Variants in NEK11 observed in about 807,000 individuals in gnomAD.
NEK11 encodes the protein serine/threonine-protein kinase Nek11.
Under a neutral mutation model 80.7 loss-of-function variants are expected in NEK11, and 72 were observed. The observed-to-expected ratio is 0.89, with a 90% confidence interval of 0.74 to 1.08. The LOEUF (loss-of-function observed/expected upper bound fraction) is 1.08, where lower values mean the gene tolerates loss of function less well. NEK11 is among the 50% of genes least tolerant of loss of function. The pLI, the probability that NEK11 is intolerant of heterozygous loss-of-function variation, is 0.00. For missense variants in NEK11, 764 were observed against 763.6 expected, an observed-to-expected ratio of 1.00 and a Z score of -0.01; for synonymous variants, 251 against 260.7, an observed-to-expected ratio of 0.96 and a Z score of 0.36.
At chr3:131,181,548 C>T (rs959821656) in intron 14 of NEK11, among the ~76,000 whole-genome samples, 15 of 151,926 alleles carry the variant, frequency 9.9e-5, no homozygotes, top group African/African-American at 3.1e-4. Flanking sequence ...AGATGGAGAC[C>T]ATCCTGGCTA....
At chr3:131,264,309 T>A (rs1161214566) in intron 16 of NEK11, among the ~76,000 whole-genome samples, 1 of 152,222 alleles carries the variant, frequency 6.6e-6, no homozygotes, top group Non-Finnish European at 1.5e-5. Flanking sequence ...CTGAATGGTA[T>A]TGCCTAGGTT....
At chr3:131,137,090 A>G (rs1457646979) in intron 7 of NEK11, among the ~76,000 whole-genome samples, 1 of 152,208 alleles carries the variant, frequency 6.6e-6, no homozygotes, top group Non-Finnish European at 1.5e-5. Context: ...TAGTGGCAAC[A>G]TCTAGAGTGT....
intron 4 of NEK11, among the ~76,000 whole-genome samples, chr3:131,107,501 A>G (rs2079391934): frequency 6.6e-6 from 1 of 152,094 alleles, no homozygotes; most frequent in African/African-American, 2.4e-5. Context: ...GTATTCAGGA[A>G]GAAGATGGCA....
intron 14 of NEK11, among the ~76,000 whole-genome samples, chr3:131,181,164 A>G (rs1353281939): frequency 6.6e-6 from 1 of 152,220 alleles, no homozygotes; most frequent in Non-Finnish European, 1.5e-5. Flanking sequence ...TATTCTGATT[A>G]TTTGGATGCT....
At chr3:131,270,251 G>A (rs567399168) in intron 16 of NEK11, among the ~76,000 whole-genome samples, 5 of 152,260 alleles carry the variant, frequency 3.3e-5, no homozygotes, top group Admixed American at 3.3e-4. Context: ...AAGGATTTCT[G>A]CGTTGTCATT....
intron 15 of NEK11, among the ~76,000 whole-genome samples, chr3:131,238,242 T>C (rs956072766): frequency 6.6e-6 from 1 of 152,214 alleles, no homozygotes; most frequent in Non-Finnish European, 1.5e-5. Flanking sequence ...TTTCCTCTCC[T>C]ACTTTATTTT....
At chr3:131,163,715 CAG>C (rs968506247) in intron 11 of NEK11, among the ~76,000 whole-genome samples, 5 of 152,030 alleles carry the variant, frequency 3.3e-5, no homozygotes, top group African/African-American at 9.7e-5. Flanking sequence ...AAATTGCTAA[CAG>C]AGTAGAGCTT....
intron 16 of NEK11, among the ~76,000 whole-genome samples, chr3:131,252,078 T>G (rs570618254): frequency 6.4e-4 from 97 of 152,262 alleles, no homozygotes; most frequent in African/African-American, 2.2e-3. Context: ...ATTACATTTT[T>G]GGGAGGCCCA....
intron 3 of NEK11, among the ~76,000 whole-genome samples, chr3:131,077,271 T>C (rs369223292): frequency 2.3e-4 from 35 of 152,318 alleles, no homozygotes; most frequent in African/African-American, 8.4e-4. Flanking sequence ...AAACTGTCCC[T>C]TGACTTGGTA....
intron 16 of NEK11, among the ~76,000 whole-genome samples, chr3:131,256,549 A>G (rs985888538): frequency 6.6e-6 from 1 of 152,186 alleles, no homozygotes; most frequent in Non-Finnish European, 1.5e-5. Flanking sequence ...CTGACCTACC[A>G]TAAAAGCTCA....
chr3:131,045,005 C>A (rs1431218510), intron 3 of NEK11, among the ~76,000 whole-genome samples: 1 of 152,120 alleles, frequency 6.6e-6, no homozygotes, highest in South Asian at 2.1e-4. Flanking sequence ...AACTGAACAA[C>A]CTGCTCCTGA....
chr3:131,101,674 T>C (rs373976559), intron 4 of NEK11, among the ~76,000 whole-genome samples: 199 of 152,312 alleles, frequency 1.3e-3, no homozygotes, highest in Non-Finnish European at 2.5e-3. Context: ...AATATGTTCA[T>C]GTGGAGAAGA....
intron 14 of NEK11, among the ~76,000 whole-genome samples, chr3:131,227,618 A>G (rs1479074961): frequency 6.6e-6 from 1 of 152,192 alleles, no homozygotes; most frequent in Non-Finnish European, 1.5e-5. Flanking sequence ...ACAATTTGGA[A>G]GAAAAATTTT....
intron 1 of NEK11, 135 bp downstream of exon 1, chr3:131,027,141 T>A (rs924679696): frequency 6.6e-6 from 1 of 152,270 alleles, no homozygotes; most frequent in African/African-American, 2.4e-5. Flanking sequence ...CTGGACATCT[T>A]ACCTCCGGAT....
At chr3:131,284,268 T>A (rs1436034041) in intron 17 of NEK11, among the ~76,000 whole-genome samples, 1 of 152,214 alleles carries the variant, frequency 6.6e-6, no homozygotes, top group East Asian at 1.9e-4. Context: ...CTAGCATAAC[T>A]GTAGCCCAGA....
intron 4 of NEK11, among the ~76,000 whole-genome samples, chr3:131,104,836 G>A (rs1335278270): frequency 1.4e-4 from 21 of 152,136 alleles, no homozygotes; most frequent in Admixed American, 1.4e-3. Context: ...GGAGCCGGGG[G>A]CCTCTCCTGT....
At position 131,168,869 on chromosome 3, in the gene NEK11, C is replaced by T. The variant is rs766123165; in HGVS notation, c.1216C>T (p.Gln406Ter). 2.5e-6 allele frequency: 4 copies of T among 1,613,796 alleles called. No homozygotes were observed. The highest frequency in any genetic ancestry group is 4.5e-5 in the East Asian group (2 of 44,846). The stretch of plus-strand genomic sequence containing the variant: ...AAAAGGAATGGAAGAAAAGGAGGAG[C>T]AACCTGAGGGAAGACTTTCTTGTTC... Reference protein sequence around the residue: ...HLKGMEEKEEQPEGRLSCSPQ... With the variant: ...HLKGMEEKEE The change falls in exon 13 of 18, where the codon CAA becomes TAA. Residue 406 changes from glutamine to a stop codon, truncating the protein, a stop_gained. Transcript: ENST00000383366. LOFTEE classifies it high-confidence loss of function.
At chr3:131,149,439 A>G (rs1023845526) in intron 7 of NEK11, among the ~76,000 whole-genome samples, 14 of 152,076 alleles carry the variant, frequency 9.2e-5, no homozygotes, top group African/African-American at 3.1e-4. Context: ...ATATGCATGC[A>G]TGTGTCTTTA....
At chr3:131,070,964 A>G (rs1378597731) in intron 3 of NEK11, among the ~76,000 whole-genome samples, 2 of 152,196 alleles carry the variant, frequency 1.3e-5, no homozygotes, top group South Asian at 2.1e-4. Flanking sequence ...AAATTCTACA[A>G]AAACATAAAA....
Sources: gnomAD v4.1 joint callset for allele counts (sites outside exome capture counted in the v4.1 genomes callset) on GRCh38, gnomAD v4.1.1 for gene constraint, MANE v1.5 for transcripts, NCBI Gene and HGNC (gene_info 2026-07-23, HGNC 2026-07-21) for gene names.